GOLGA5: variants seen among roughly 807,000 people sequenced by gnomAD.
GOLGA5 encodes the protein golgin subfamily A member 5.
In GOLGA5, 50 loss-of-function variants were observed where a neutral mutation model predicts 93.5. That is an observed-to-expected ratio of 0.53 (90% CI 0.43 to 0.68). The LOEUF is 0.68. Among genes scored for constraint, GOLGA5 ranks in the 30% least tolerant of loss-of-function variants. GOLGA5 has a pLI of 0.00. For missense variants in GOLGA5, 760 were observed against 856.4 expected (o/e 0.89, Z 1.40); for synonymous variants, 312 against 304.5 (o/e 1.02, Z -0.26).
At chr14:92,808,042 GGCCA>G (rs1885026429) in intron 3 of GOLGA5, among the ~76,000 whole-genome samples, 1 of 151,960 alleles carries the variant, frequency 6.6e-6, no homozygotes, top group African/African-American at 2.4e-5. Context: ...AGACCAGTCT[GGCCA>G]ACATGGTGAA....
intron 2 of GOLGA5, among the ~76,000 whole-genome samples, chr14:92,800,385 A>G (rs1884842783): frequency 1.3e-5 from 2 of 152,244 alleles, no homozygotes; most frequent in South Asian, 4.1e-4. Context: ...ACAGCATTCC[A>G]TGCAGAGAGA....
intron 3 of GOLGA5, among the ~76,000 whole-genome samples, chr14:92,808,263 C>CAACAAA (rs1358516174): frequency 6.6e-6 from 1 of 151,832 alleles, no homozygotes; most frequent in East Asian, 1.9e-4. Context: ...ACAACAACAA[C>CAACAAA]AACAAAAACA....
Position 92,831,151 on chromosome 14 carries a change from T to C in GOLGA5, c.1720-1971T>C, listed in dbSNP as rs567846096. ...GGTGAGGATGTGGTGCAGCTGGAACTCTCACCCACTGCTGGTGGAAGTGCA... is the reference window on the plus strand; with the variant it reads ...GGTGAGGATGTGGTGCAGCTGGAACCCTCACCCACTGCTGGTGGAAGTGCA... On this transcript the variant is annotated intron_variant, in intron 9 of 12. Transcript: ENST00000163416. Among the ~76,000 whole-genome samples the C allele has an allele frequency of 3.5e-4, 54 of 152,306 alleles. No homozygotes were observed. In the South Asian group the frequency reaches 4.4e-3, roughly 12 times the overall value.
At chr14:92,813,478 T>G (rs182370756) in intron 6 of GOLGA5, among the ~76,000 whole-genome samples, 66 of 152,284 alleles carry the variant, frequency 4.3e-4, no homozygotes, top group Admixed American at 3.3e-3. Context: ...ATAGGAAGAC[T>G]CATGATAGGG....
chr14:92,825,688 T>A (rs1437283465), intron 9 of GOLGA5, among the ~76,000 whole-genome samples: 1 of 147,410 alleles, frequency 6.8e-6, no homozygotes, highest in African/African-American at 2.5e-5. Flanking sequence ...TAGTGAGACC[T>A]TGTCTCTACA....
At chr14:92,801,572 CT>C (rs1884871268) in intron 2 of GOLGA5, among the ~76,000 whole-genome samples, 1 of 151,992 alleles carries the variant, frequency 6.6e-6, no homozygotes, top group Non-Finnish European at 1.5e-5. Context: ...GGTTTTTCCC[CT>C]CCCCTCTGTC....
Position 92,797,574 on chromosome 14 carries a change from A to G in GOLGA5, c.137A>G (p.His46Arg). 6.2e-7 allele frequency: 1 copy of G among 1,613,646 alleles called. No homozygotes were observed. ...AAAAATACTGACTATACTGAACTTC[A>G]CCAGCAAAATACAGATTTGATATAT... ...YSKNTDYTELHQQNTDLIYQT... is the reference protein window; with the variant it reads ...YSKNTDYTELRQQNTDLIYQT... Residue 46 changes from histidine (H) to arginine (R), a missense_variant, in exon 2 of 13, where the codon CAC becomes CGC. Transcript: ENST00000163416.
chr14:92,811,971 G>A (rs1197303183), intron 6 of GOLGA5, among the ~76,000 whole-genome samples: 3 of 152,010 alleles, frequency 2.0e-5, no homozygotes, highest in Non-Finnish European at 2.9e-5. Context: ...CCACTGCCTA[G>A]TTCAGGTCTT....
intron 8 of GOLGA5, among the ~76,000 whole-genome samples, chr14:92,823,209 T>A (rs11844233): frequency 3.3e-3 from 506 of 152,304 alleles, no homozygotes; most frequent in Middle Eastern, 0.02. Flanking sequence ...ATCATTTTTT[T>A]AAATAGTTTA....
intron 2 of GOLGA5, among the ~76,000 whole-genome samples, chr14:92,804,275 G>C (rs912955447): frequency 2.6e-5 from 4 of 151,014 alleles, no homozygotes; most frequent in Non-Finnish European, 5.9e-5. Flanking sequence ...TGTATTGCCC[G>C]GGCTGGTCTC....
rs746185458 is a variant in GOLGA5, at chr14:92,835,596, C to G, written c.1983C>G (p.Asp661Glu). The change falls in exon 11 of 13, where the codon GAC (aspartate) becomes GAG (glutamate). Residue 661 changes from aspartate to glutamate, a missense_variant. Physicochemically the swap from Asp to Glu is conservative, Grantham distance 45. Coordinates refer to ENST00000163416, the MANE Select transcript of GOLGA5 (RefSeq NM_005113.4). Reference sequence around the variant, plus strand: ...GAAATGTTCCTGTTCTTTTTAATGACACAGAAACTAATCTGGCAGGAATGT... The same window carrying G: ...GAAATGTTCCTGTTCTTTTTAATGAGACAGAAACTAATCTGGCAGGAATGT... ...RLRNVPVLFNDTETNLAGMYG... is the reference protein window; with the variant it reads ...RLRNVPVLFNETETNLAGMYG... 1.9e-6 allele frequency: 3 copies of G among 1,613,270 alleles called. No individual in the cohort carries two copies. In the South Asian group the frequency reaches 3.3e-5, roughly 18 times the overall value.
At chr14:92,794,676 G>A (rs984932663) in intron 1 of GOLGA5, among the ~76,000 whole-genome samples, 1 of 152,206 alleles carries the variant, frequency 6.6e-6, no homozygotes, top group Non-Finnish European at 1.5e-5. Flanking sequence ...CCTGACCCCT[G>A]CCTGGCCTGG....
At chr14:92,827,442 C>G (rs965484165) in intron 9 of GOLGA5, among the ~76,000 whole-genome samples, 1 of 152,156 alleles carries the variant, frequency 6.6e-6, no homozygotes, top group Non-Finnish European at 1.5e-5. Context: ...CCACATAAGA[C>G]AGTGAACTTA....
intron 6 of GOLGA5, 53 bp downstream of exon 6, chr14:92,811,807 G>A (rs1345085306): frequency 7.8e-7 from 1 of 1,274,118 alleles, no homozygotes; most frequent in Non-Finnish European, 1.1e-6. Flanking sequence ...TTAACTGAAA[G>A]GCAATTTGAG....
intron 9 of GOLGA5, among the ~76,000 whole-genome samples, chr14:92,827,587 C>T (rs1394007552): frequency 6.6e-6 from 1 of 152,172 alleles, no homozygotes; most frequent in Non-Finnish European, 1.5e-5. Context: ...ACAATGGCCT[C>T]TAGGTGTTCA....
intron 9 of GOLGA5, 115 bp downstream of exon 9, chr14:92,824,759 TG>T: frequency 1.6e-6 from 1 of 607,834 alleles, no homozygotes; most frequent in Non-Finnish European, 2.9e-6. Context: ...TTTGTAACAG[TG>T]GTGACAAAAG....
intron 6 of GOLGA5, among the ~76,000 whole-genome samples, 198 bp downstream of exon 6, chr14:92,811,952 T>C (rs2402198): frequency 0.55 from 83,073 of 151,864 alleles, 23,384 homozygotes; most frequent in East Asian, 0.65. Flanking sequence ...AAAAAAAAAA[T>C]TCATTCTGCC....
At chr14:92,820,059 C>T (rs1885284700) in intron 8 of GOLGA5, among the ~76,000 whole-genome samples, 1 of 152,156 alleles carries the variant, frequency 6.6e-6, no homozygotes, top group African/African-American at 2.4e-5. Flanking sequence ...AAATAAGACA[C>T]AGAGACAAAG....
Position 92,811,601 on chromosome 14 carries a change from A to T in GOLGA5, c.1167A>T (p.Leu389Phe). The change falls in exon 6 of 13, where the codon TTA (leucine) becomes TTT (phenylalanine). Residue 389 changes from leucine (L) to phenylalanine (F), a missense_variant. Physicochemically the swap from Leu to Phe is conservative, Grantham distance 22. Transcript: ENST00000163416. ...LNKVEMERQN[L>F]AEAITLAERK... ...AAGTGGAAATGGAACGTCAGAATTTAGCAGAAGCAATTACACTGGCCGAAA... is the reference window on the plus strand; with the variant it reads ...AAGTGGAAATGGAACGTCAGAATTTTGCAGAAGCAATTACACTGGCCGAAA... The T allele has an allele frequency of 6.2e-7, 1 of 1,613,642 alleles. No homozygotes were observed. The highest frequency in any genetic ancestry group is 8.5e-7 in the Non-Finnish European group (1 of 1,179,578).
Sources: allele counts gnomAD v4.1 joint callset (sites outside exome capture counted in the v4.1 genomes callset), GRCh38; gene constraint gnomAD v4.1.1; transcripts MANE v1.5; gene names NCBI Gene and HGNC (gene_info 2026-07-23, HGNC 2026-07-21).